TFPI: variants seen among roughly 807,000 people sequenced by gnomAD.
The protein encoded by TFPI is tissue factor pathway inhibitor.
Under a neutral mutation model 34.6 loss-of-function variants are expected in TFPI, and 15 were observed. The ratio of observed to expected loss-of-function variants is 0.43; its 90% CI spans 0.29 to 0.67. The LOEUF (loss-of-function observed/expected upper bound fraction) is 0.67, where lower values mean the gene tolerates loss of function less well. Among genes scored for constraint, TFPI ranks in the 30% least tolerant of loss-of-function variants. The pLI is 0.15. For missense variants in TFPI, 301 were observed against 364.0 expected (o/e 0.83, Z 1.41); for synonymous variants, 105 against 120.1 (o/e 0.87, Z 0.82).
chr2:187,535,199 G>T (rs1297781507), intron 1 of TFPI, among the ~76,000 whole-genome samples: 3 of 152,122 alleles, frequency 2.0e-5, no homozygotes, highest in East Asian at 1.9e-4. Context: ...AGTTAAAAAG[G>T]ATATCCAGGA....
In TFPI at chr2:187,465,603, T is replaced by C. The variant is rs1023294419; in HGVS notation, c.*1333A>G. On this transcript the variant is annotated 3_prime_UTR_variant, in exon 8 of 8. Transcript: ENST00000233156. ...AAAAAAAGCATAAAGATTTGGAGAC[T>C]GTTTAGATGTGGTATATGAGGGAAA... is the stretch of plus-strand genomic sequence containing the variant. 5 of 144,612 alleles carry C rather than the reference T, an allele frequency of 3.5e-5. No individual in the cohort carries two copies. Among genetic ancestry groups the C allele is most frequent in the African/African-American group, 1.3e-4 (5 of 38,854 alleles). The allele number at this position is 144,612 out of a possible 1,614,324, so 9.0% of individuals were successfully genotyped here.
At chr2:187,468,567 T>A (rs1232881371) in intron 6 of TFPI, among the ~76,000 whole-genome samples, 1 of 152,096 alleles carries the variant, frequency 6.6e-6, no homozygotes, top group African/African-American at 2.4e-5. Flanking sequence ...TAGTTCTAGA[T>A]GAGTTAAATG....
chr2:187,536,109 A>C (rs1215034729), intron 1 of TFPI, among the ~76,000 whole-genome samples: 1 of 152,350 alleles, frequency 6.6e-6, no homozygotes, highest in African/African-American at 2.4e-5. Flanking sequence ...CCAACCAAAA[A>C]AAGCCCAGGA....
At chr2:187,481,764 A>T (rs1415632925) in intron 6 of TFPI, among the ~76,000 whole-genome samples, 1 of 152,082 alleles carries the variant, frequency 6.6e-6, no homozygotes, top group Non-Finnish European at 1.5e-5. Flanking sequence ...ACAATCAAAA[A>T]TAAAACAGTT....
chr2:187,471,366 C>G (rs1692026120), intron 6 of TFPI, among the ~76,000 whole-genome samples: 1 of 151,920 alleles, frequency 6.6e-6, no homozygotes, highest in South Asian at 2.1e-4. Context: ...TCATTGTTTC[C>G]AAATAGCAAA....
At chr2:187,486,617 AT>A (rs1250157919) in intron 4 of TFPI, among the ~76,000 whole-genome samples, 1 of 151,616 alleles carries the variant, frequency 6.6e-6, no homozygotes, top group Non-Finnish European at 1.5e-5. Context: ...AAATGGACAC[AT>A]GTAAAATAAT....
chr2:187,517,591 G>A (rs1160502970), intron 1 of TFPI: 1 of 152,228 alleles, frequency 6.6e-6, no homozygotes, highest in Non-Finnish European at 1.5e-5. Flanking sequence ...TAAGTGTGAT[G>A]TGGTGCTGAG....
At chr2:187,502,032 T>A (rs1685884735) in intron 2 of TFPI, among the ~76,000 whole-genome samples, 1 of 152,170 alleles carries the variant, frequency 6.6e-6, no homozygotes, top group African/African-American at 2.4e-5. Context: ...TTGTATCTCC[T>A]AAATAGAATT....
chr2:187,495,363 A>G (rs1392639315), intron 3 of TFPI, among the ~76,000 whole-genome samples: 2 of 152,204 alleles, frequency 1.3e-5, no homozygotes, highest in Admixed American at 6.5e-5. Context: ...TCAACTCAAC[A>G]CAAAAGGATA....
chr2:187,475,178 C>G (rs978567714), intron 6 of TFPI, among the ~76,000 whole-genome samples: 5 of 152,094 alleles, frequency 3.3e-5, no homozygotes, highest in Non-Finnish European at 7.4e-5. Flanking sequence ...GTAGGAGACA[C>G]TCAATGTTTG....
intron 1 of TFPI, among the ~76,000 whole-genome samples, chr2:187,506,884 C>T (rs1418177263): frequency 6.6e-6 from 1 of 152,006 alleles, no homozygotes. Context: ...AAGTTACTTT[C>T]TACCCCTACC....
chr2:187,490,414 A>T (rs1361322662), intron 3 of TFPI, among the ~76,000 whole-genome samples: 2 of 151,624 alleles, frequency 1.3e-5, no homozygotes, highest in African/African-American at 4.8e-5. Flanking sequence ...GGAGTTTTGT[A>T]ATTAGGACCA....
chr2:187,521,582 T>G (rs1687375043), intron 1 of TFPI, among the ~76,000 whole-genome samples: 1 of 152,026 alleles, frequency 6.6e-6, no homozygotes. Context: ...CAATTTCTTT[T>G]TTTTGAGACA....
At chr2:187,545,676 A>G (rs1211660610) in intron 1 of TFPI, among the ~76,000 whole-genome samples, 5 of 152,210 alleles carry the variant, frequency 3.3e-5, no homozygotes, top group African/African-American at 1.2e-4. Context: ...TTAACATTTC[A>G]TTAAACCATA....
At chr2:187,540,334 A>G (rs1031458577) in intron 1 of TFPI, among the ~76,000 whole-genome samples, 34 of 152,232 alleles carry the variant, frequency 2.2e-4, no homozygotes, top group African/African-American at 8.2e-4. Context: ...ATCATATCAT[A>G]CTATGATCAA....
intron 3 of TFPI, among the ~76,000 whole-genome samples, chr2:187,492,202 T>C (rs926912286): frequency 6.6e-6 from 1 of 152,198 alleles, no homozygotes; most frequent in East Asian, 1.9e-4. Flanking sequence ...TTTAAGTTAC[T>C]TGTGGATCAA....
At position 187,465,808 on chromosome 2, in the gene TFPI, A is replaced by C. The variant is rs1691696399; in HGVS notation, c.*1128T>G. On this transcript the variant is annotated 3_prime_UTR_variant, in exon 8 of 8. Coordinates refer to ENST00000233156, the MANE Select transcript of TFPI (RefSeq NM_006287.6). ...AAATCAGTTCCAATTCCAGTGTCAG[A>C]TTTGAGGTGAACACTACAGAAACTG... is the stretch of plus-strand genomic sequence containing the variant. 1 of 152,132 alleles carries C rather than the reference A, an allele frequency of 6.6e-6. No homozygotes were observed. The highest frequency in any genetic ancestry group is 1.5e-5 in the Non-Finnish European group (1 of 68,022). The allele number at this position is 152,132 out of a possible 1,614,324, so 9.4% of individuals were successfully genotyped here.
chr2:187,545,065 C>G (rs1040382025), intron 1 of TFPI, among the ~76,000 whole-genome samples: 1 of 148,732 alleles, frequency 6.7e-6, no homozygotes, highest in Non-Finnish European at 1.5e-5. Context: ...GAGCCGTGAT[C>G]GTGCCACTGC....
intron 1 of TFPI, among the ~76,000 whole-genome samples, chr2:187,523,413 A>G (rs1313379457): frequency 1.3e-5 from 2 of 152,036 alleles, no homozygotes; most frequent in African/African-American, 4.8e-5. Context: ...GTCTGTGTGC[A>G]GTTCCTTTTA....
Sources: gnomAD v4.1 joint callset for allele counts (sites outside exome capture counted in the v4.1 genomes callset) on GRCh38, gnomAD v4.1.1 for gene constraint, MANE v1.5 for transcripts, NCBI Gene and HGNC (gene_info 2026-07-23, HGNC 2026-07-21) for gene names.